Variants in XKR7 observed in about 807,000 individuals in gnomAD.
The protein encoded by XKR7 is XK related 7, also known as XK-related protein 7.
In XKR7, 11 loss-of-function variants were observed where a neutral mutation model predicts 42.2. The observed-to-expected ratio is 0.26, with a 90% CI of 0.16 to 0.43. XKR7 has a LOEUF of 0.43. Ranked by LOEUF, XKR7 falls within the 20% of genes least tolerant of loss-of-function variation. The probability of loss-of-function intolerance (pLI) is 1.00; values close to 1 mark genes in which losing one functional copy is unlikely to be tolerated. For missense variants in XKR7, 710 were observed against 802.2 expected, an observed-to-expected ratio of 0.89 and a Z score of 1.39; for synonymous variants, 346 against 366.4, an observed-to-expected ratio of 0.94 and a Z score of 0.64.
chr20:31,973,558 G>A (rs2064473394), intron 1 of XKR7, among the ~76,000 whole-genome samples: 2 of 152,164 alleles, frequency 1.3e-5, no homozygotes, highest in Admixed American at 1.3e-4. Context: ...GGCTCTTTGA[G>A]ATAGGGTGGT....
Position 32,001,337 on chromosome 20 carries a change from T to C in XKR7, c.*3880T>C, listed in dbSNP as rs1023665562. On this transcript the variant is annotated 3_prime_UTR_variant, in exon 3 of 3. Coordinates refer to ENST00000562532, the MANE Select transcript of XKR7 (RefSeq NM_001011718.2). ...GGAGAGTGAGTGTGTGCCCTGCCTG[T>C]AGGTACTAAAATTCAAATGTTTGGG... The C allele has an allele frequency of 6.6e-6, 1 of 152,166 alleles. No homozygotes were observed. The highest frequency in any genetic ancestry group is 1.5e-5 in the Non-Finnish European group (1 of 68,056). 9.4% of individuals were successfully genotyped at this position (152,166 alleles called of 1,614,324 possible). A position where few individuals can be genotyped will look rare whatever the true frequency, so the allele number is the denominator to read the frequency against.
At chr20:31,973,441 G>T (rs2064472764) in intron 1 of XKR7, among the ~76,000 whole-genome samples, 1 of 152,092 alleles carries the variant, frequency 6.6e-6, no homozygotes. Flanking sequence ...AATAAACTAT[G>T]ATATATATTA....
chr20:31,979,573 T>C (rs2064501707), intron 1 of XKR7, among the ~76,000 whole-genome samples: 2 of 152,194 alleles, frequency 1.3e-5, no homozygotes, highest in African/African-American at 2.4e-5. Context: ...GCTGCCTCTG[T>C]AGACAGGCCA....
In XKR7 at chr20:31,968,410, G is replaced by A; in HGVS notation, c.235G>A (p.Ala79Thr). ...SDGATDLWLA[A>T]SYYLQNQHTY... ...CGGTGCCACGGACCTGTGGCTGGCGGCCTCCTACTACCTGCAGAATCAACA... is the reference window on the plus strand; with the variant it reads ...CGGTGCCACGGACCTGTGGCTGGCGACCTCCTACTACCTGCAGAATCAACA... Residue 79 changes from alanine to threonine, a missense_variant, in exon 1 of 3, where the codon GCC (alanine) becomes ACC (threonine). Coordinates refer to ENST00000562532, the MANE Select transcript of XKR7 (RefSeq NM_001011718.2). The surrounding 1 kb of genome is among the most constrained non-coding windows in gnomAD (Gnocchi z 4.5). The A allele has an allele frequency of 6.2e-7, 1 of 1,613,622 alleles. No individual in the cohort carries two copies. The highest frequency in any genetic ancestry group is 8.5e-7 in the Non-Finnish European group (1 of 1,179,842).
At chr20:31,982,519 C>CAAA (rs558720693) in intron 1 of XKR7, among the ~76,000 whole-genome samples, 17 of 63,098 alleles carry the variant, frequency 2.7e-4, no homozygotes, top group Non-Finnish European at 4.8e-4. Flanking sequence ...GACTCTGTCT[C>CAAA]AAAAAAAAAA....
chr20:31,998,185 C>T lies in XKR7; in HGVS notation c.*728C>T, dbSNP rs780534949. On this transcript the variant is annotated 3_prime_UTR_variant, in exon 3 of 3. Coordinates refer to ENST00000562532, the MANE Select transcript of XKR7 (RefSeq NM_001011718.2). ...GAACAAGAATGAACTCCTTAGGAGA[C>T]GTCTCTTGTTGTGTTGTGGGCTCTG... 2.0e-5 allele frequency: 3 copies of T among 151,922 alleles called. No individual in the cohort carries two copies. The highest frequency in any genetic ancestry group is 1.9e-4 in the East Asian group (1 of 5,190). 9.4% of individuals were successfully genotyped at this position (151,922 alleles called of 1,614,324 possible). A position where few individuals can be genotyped will look rare whatever the true frequency, so the allele number is the denominator to read the frequency against.
chr20:31,998,970 A>T lies in XKR7; in HGVS notation c.*1513A>T, dbSNP rs761331578. 1 of 152,410 alleles carries T rather than the reference A, an allele frequency of 6.6e-6. No individual in the cohort carries two copies. The highest frequency in any genetic ancestry group is 1.5e-5 in the Non-Finnish European group (1 of 68,162). 9.4% of individuals were successfully genotyped at this position (152,410 alleles called of 1,614,324 possible). ...TTGAGGGGGCGTATGGGAGAGGGGA[A>T]GTAGGCAGTTCCATGGGGTGAGGAG... On this transcript the variant is annotated 3_prime_UTR_variant, in exon 3 of 3. Coordinates refer to ENST00000562532, the MANE Select transcript of XKR7 (RefSeq NM_001011718.2).
chr20:31,994,891 T>C (rs1411471552), intron 1 of XKR7, among the ~76,000 whole-genome samples, 177 bp from the exon 2 acceptor site: 1 of 152,242 alleles, frequency 6.6e-6, no homozygotes, highest in Admixed American at 6.5e-5. Flanking sequence ...GTCCATTCAG[T>C]GCTCCTCAAC....
rs2123693785 is a variant in XKR7 at position 31,968,261 on chromosome 20, G to C, written c.86G>C (p.Gly29Ala). The C allele has an allele frequency of 8.8e-7, 1 of 1,136,746 alleles. No individual in the cohort carries two copies. Among genetic ancestry groups the C allele is most frequent in the East Asian group, 4.4e-5 (1 of 22,572 alleles). 70.4% of individuals were successfully genotyped at this position (1,136,746 alleles called of 1,614,324 possible). A position where few individuals can be genotyped will look rare whatever the true frequency, so the allele number is the denominator to read the frequency against. Residue 29 changes from glycine (G) to alanine (A), a missense_variant, in exon 1 of 3, where the codon GGG becomes GCG. Gly to Ala is a moderately conservative substitution (Grantham distance 60, BLOSUM62 0). Transcript: ENST00000562532. This position sits in a 1 kb window ranked among gnomAD's most constrained non-coding sequence, Gnocchi z 4.5. The part of the protein sequence containing the change: ...AAGGARGSAG[G>A]RGEAAAAAGP... The stretch of plus-strand genomic sequence containing the variant: ...GGTGGAGCCCGGGGCAGTGCCGGCG[G>C]GCGCGGGGAGGCGGCGGCGGCGGCC...
At chr20:31,985,982 A>AGACT (rs1458821543) in intron 1 of XKR7, among the ~76,000 whole-genome samples, 2 of 145,004 alleles carry the variant, frequency 1.4e-5, no homozygotes, top group African/African-American at 5.2e-5. Flanking sequence ...ACAGACAGAC[A>AGACT]GACTACCAAG....
intron 1 of XKR7, among the ~76,000 whole-genome samples, chr20:31,992,798 G>A (rs541774271): frequency 1.5e-3 from 227 of 152,244 alleles, no homozygotes; most frequent in Non-Finnish European, 1.5e-3. Context: ...GATCTCCAGA[G>A]TCATCAAACT....
chr20:31,993,417 G>A (rs1243571356), intron 1 of XKR7, among the ~76,000 whole-genome samples: 2 of 152,100 alleles, frequency 1.3e-5, no homozygotes, highest in Non-Finnish European at 1.5e-5. Context: ...AATCCTCACC[G>A]CCACTTTGGG....
At chr20:31,981,332 C>T (rs560355627) in intron 1 of XKR7, among the ~76,000 whole-genome samples, 20 of 151,996 alleles carry the variant, frequency 1.3e-4, no homozygotes, top group Non-Finnish European at 2.4e-4. Flanking sequence ...GCTGAGATGG[C>T]GCCACTGCAC....
At position 32,002,052 on chromosome 20, in the gene XKR7, T is replaced by A. The variant is rs2064627456; in HGVS notation, c.*4595T>A. The A allele has an allele frequency of 6.6e-6, 1 of 152,122 alleles. No homozygotes were observed. The highest frequency in any genetic ancestry group is 6.6e-5 in the Admixed American group (1 of 15,266). 9.4% of individuals were successfully genotyped at this position (152,122 alleles called of 1,614,324 possible). ...TTCTGGTTGGGGAGAGGATAGGACA[T>A]TTCTGGGTCCTTGGCTGCTGCCGGT... On this transcript the variant is annotated 3_prime_UTR_variant, in exon 3 of 3. Transcript: ENST00000562532.
chr20:31,990,703 G>A (rs1443446801), intron 1 of XKR7, among the ~76,000 whole-genome samples: 1 of 152,190 alleles, frequency 6.6e-6, no homozygotes, highest in Non-Finnish European at 1.5e-5. Context: ...CTGACATCAT[G>A]TTCTGTTTTG....
intron 1 of XKR7, among the ~76,000 whole-genome samples, chr20:31,978,893 G>T (rs1325030107): frequency 6.6e-6 from 1 of 152,010 alleles, no homozygotes; most frequent in African/African-American, 2.4e-5. Flanking sequence ...CCAGCACTTT[G>T]GGAGGCCGAG....
At chr20:31,984,105 A>G (rs1406301644) in intron 1 of XKR7, among the ~76,000 whole-genome samples, 1 of 151,160 alleles carries the variant, frequency 6.6e-6, no homozygotes, top group Non-Finnish European at 1.5e-5. Context: ...CTACTAAAAA[A>G]CAAAAATTAG....
intron 1 of XKR7, among the ~76,000 whole-genome samples, chr20:31,979,553 C>T (rs59623630): frequency 6.6e-6 from 1 of 152,342 alleles, no homozygotes; most frequent in East Asian, 1.9e-4. Flanking sequence ...TTGGCTGGAA[C>T]TGACAGGTGG....
At position 31,981,773 on chromosome 20, in the gene XKR7, C is replaced by A. The variant is rs113953661; in HGVS notation, c.584+13014C>A. 3.3e-3 allele frequency among the ~76,000 whole-genome samples: 505 copies of A among 152,292 alleles called. 2 individuals are homozygous for A. Among genetic ancestry groups the A allele is most frequent in the African/African-American group, 0.012 (491 of 41,564 alleles). ...CATGGTTCACGTCTCCACTTCGTGT[C>A]GTGCTTTCTTCCCTTTCTTCTCCCT... is the stretch of plus-strand genomic sequence containing the variant. On this transcript the variant is annotated intron_variant, in intron 1 of 2. Coordinates refer to ENST00000562532, the MANE Select transcript of XKR7 (RefSeq NM_001011718.2).
Sources: gnomAD v4.1 joint callset for allele counts (sites outside exome capture counted in the v4.1 genomes callset) on GRCh38, gnomAD v4.1.1 for gene constraint, Gnocchi (gnomAD v3.1) non-coding constraint, MANE v1.5 for transcripts, NCBI Gene and HGNC (gene_info 2026-07-23, HGNC 2026-07-21) for gene names.